Variants in ANK3 observed in about 807,000 individuals in gnomAD.
ANK3 encodes the protein ankyrin-3.
Under a neutral mutation model 370.9 loss-of-function variants are expected in ANK3, and 57 were observed. That is an observed-to-expected ratio of 0.15 (90% CI 0.12 to 0.19). The LOEUF (loss-of-function observed/expected upper bound fraction) is 0.19. ANK3 is among the 10% of genes least tolerant of loss of function. ANK3 has a pLI of 1.00. For synonymous variants in ANK3, 1,929 were observed against 1,946.3 expected (o/e 0.99, Z 0.23); for missense variants, 4,439 against 5,302.1 (o/e 0.84, Z 5.06).
At chr10:60,468,133 C>T (rs1279664210) in intron 2 of ANK3, among the ~76,000 whole-genome samples, 2 of 151,822 alleles carry the variant, frequency 1.3e-5, no homozygotes, top group Non-Finnish European at 2.9e-5. Context: ...TACAGGCATG[C>T]ACCACCACGC....
intron 1 of ANK3, among the ~76,000 whole-genome samples, chr10:60,692,013 C>T (rs1017773744): frequency 1.3e-5 from 2 of 152,140 alleles, no homozygotes; most frequent in African/African-American, 4.8e-5. Context: ...CCAAGTAGCC[C>T]TCTATTTCTC....
chr10:60,153,073 C>T (rs752070343), intron 23 of ANK3, among the ~76,000 whole-genome samples: 1 of 152,182 alleles, frequency 6.6e-6, no homozygotes, highest in East Asian at 1.9e-4. Context: ...CCCACATTCT[C>T]ATCAACAGTA....
chr10:60,479,941 T>A (rs945953261), intron 2 of ANK3, among the ~76,000 whole-genome samples: 1 of 152,210 alleles, frequency 6.6e-6, no homozygotes, highest in Non-Finnish European at 1.5e-5. Context: ...CTTGTTTATG[T>A]TTGATTGCTC....
chr10:60,061,836 A>G (rs2080542334), intron 40 of ANK3: 1 of 152,168 alleles, frequency 6.6e-6, no homozygotes, highest in African/African-American at 2.4e-5. Flanking sequence ...TCCACAAAAT[A>G]TATGCAGAAT....
intron 1 of ANK3, among the ~76,000 whole-genome samples, chr10:60,673,831 AG>A (rs2079091709): frequency 6.6e-6 from 1 of 152,192 alleles, no homozygotes. Flanking sequence ...CAATGGGGGA[AG>A]GAAGAATATT....
chr10:60,726,290 A>G (rs751943018), intron 1 of ANK3, among the ~76,000 whole-genome samples: 5 of 152,190 alleles, frequency 3.3e-5, no homozygotes, highest in Non-Finnish European at 5.9e-5. Context: ...CCAGCTCATT[A>G]AAGTCCAGGT....
chr10:60,042,845 T>C (rs2076350717), intron 42 of ANK3, 86 bp from the exon 43 acceptor site: 2 of 1,584,886 alleles, frequency 1.3e-6, no homozygotes, highest in Non-Finnish European at 1.7e-6. Context: ...GAGGCTGGAT[T>C]AGGACAAGCG....
intron 2 of ANK3, among the ~76,000 whole-genome samples, chr10:60,569,993 T>C (rs2077552975): frequency 6.6e-6 from 1 of 152,170 alleles, no homozygotes; most frequent in African/African-American, 2.4e-5. Flanking sequence ...TTATGGAATA[T>C]TTGCTTCAGA....
At chr10:60,444,395 T>C (rs762004016) in intron 2 of ANK3, among the ~76,000 whole-genome samples, 13 of 150,124 alleles carry the variant, frequency 8.7e-5, no homozygotes, top group Non-Finnish European at 1.9e-4. Context: ...ATAACATATA[T>C]AATACATAAA....
chr10:60,689,973 C>T (rs2079327784), intron 1 of ANK3, among the ~76,000 whole-genome samples: 1 of 152,040 alleles, frequency 6.6e-6, no homozygotes, highest in South Asian at 2.1e-4. Flanking sequence ...TTGTAGTATA[C>T]AAACATGCTT....
rs539765348 is a variant in ANK3 at position 60,635,717 on chromosome 10, A to G, written c.58-20493T>C. 2.0e-3 allele frequency among the ~76,000 whole-genome samples: 308 copies of G among 152,244 alleles called. 1 individual carries two copies. The highest frequency in any genetic ancestry group is 7.0e-3 in the African/African-American group (292 of 41,558). On this transcript the variant is annotated intron_variant, in intron 1 of 43. Coordinates refer to the ANK3 transcript ENST00000373827. The stretch of plus-strand genomic sequence containing the variant: ...AAACCCTGGATATTACAAAAAAAAA[A>G]AAGCTCATTGCAGCCAAAAATACCT...
At chr10:60,209,991 TG>T (rs149345457) in intron 9 of ANK3, among the ~76,000 whole-genome samples, 4,246 of 152,298 alleles carry the variant, frequency 0.028, 202 homozygotes, top group African/African-American at 0.094. Context: ...GTATTACATA[TG>T]GTGCCTGAAA....
At chr10:60,482,615 T>C (rs1218189359) in intron 2 of ANK3, among the ~76,000 whole-genome samples, 1 of 152,116 alleles carries the variant, frequency 6.6e-6, no homozygotes, top group Non-Finnish European at 1.5e-5. Flanking sequence ...TTCTCTCTAG[T>C]AGCTGGGACT....
intron 8 of ANK3, among the ~76,000 whole-genome samples, chr10:60,219,401 G>A (rs539415976): frequency 1.3e-5 from 2 of 152,150 alleles, no homozygotes; most frequent in African/African-American, 4.8e-5. Flanking sequence ...GGGTTTATCA[G>A]ATCATTAGAA....
intron 7 of ANK3, among the ~76,000 whole-genome samples, chr10:60,252,326 A>G (rs1383837542): frequency 6.6e-6 from 1 of 152,214 alleles, no homozygotes; most frequent in African/African-American, 2.4e-5. Context: ...GATGACAGGG[A>G]GTGTGGACAA....
intron 1 of ANK3, among the ~76,000 whole-genome samples, chr10:60,338,277 T>C (rs958683558): frequency 3.9e-5 from 6 of 152,162 alleles, no homozygotes; most frequent in Non-Finnish European, 5.9e-5. Flanking sequence ...CTCAGGTTAA[T>C]TCAATACTTT....
At chr10:60,059,298 A>C in intron 41 of ANK3, 42 bp downstream of exon 41, 2 of 1,513,594 alleles carry the variant, frequency 1.3e-6, no homozygotes, top group Non-Finnish European at 1.8e-6. Flanking sequence ...AACTATTAAC[A>C]AGTAACCTGT....
rs551271863 is a variant in ANK3, at chr10:60,674,339, G to A, written c.57+58924C>T. ...TTCTGCAGGCTGTACAGGAAGCATG[G>A]TGCCAGCATCTGCTTCTGGTGAGGC... On this transcript the variant is annotated intron_variant, in intron 1 of 43. Transcript: ENST00000373827. Among the ~76,000 whole-genome samples, 5 of 152,236 alleles carry A rather than the reference G, an allele frequency of 3.3e-5. No individual in the cohort carries two copies. In the South Asian group the frequency reaches 6.2e-4, roughly 19 times the overall value.
chr10:60,179,625 G>A lies in ANK3; in HGVS notation c.2184+1704C>T, dbSNP rs1412950933. ...TGGGATTGCTTGAATCCGGGAGGTG[G>A]AGGTTGCAGCAAGCCATTACATTCC... On this transcript the variant is annotated intron_variant, in intron 18 of 43. Coordinates refer to ENST00000280772, the MANE Select transcript of ANK3 (RefSeq NM_020987.5). Among the ~76,000 whole-genome samples, 9 of 152,064 alleles carry A rather than the reference G, an allele frequency of 5.9e-5. No homozygotes were observed. The South Asian group carries it at 1.5e-3, about 25-fold the overall frequency.
Sources: allele counts gnomAD v4.1 joint callset (sites outside exome capture counted in the v4.1 genomes callset), GRCh38; gene constraint gnomAD v4.1.1; transcripts MANE v1.5; gene names NCBI Gene and HGNC (gene_info 2026-07-23, HGNC 2026-07-21).